Variants in PTPN21 observed in about 807,000 individuals in gnomAD.
PTPN21 encodes the protein tyrosine-protein phosphatase non-receptor type 21.
Under a neutral mutation model 131.8 loss-of-function variants are expected in PTPN21, and 77 were observed. The ratio of observed to expected loss-of-function variants is 0.58; its 90% CI spans 0.49 to 0.71. PTPN21 has a LOEUF of 0.71. PTPN21 is among the 30% of genes least tolerant of loss of function. PTPN21 has a pLI of 0.00. For synonymous variants in PTPN21, 715 were observed against 621.3 expected (o/e 1.15, Z -2.24); for missense variants, 1,552 against 1,527.1 (o/e 1.02, Z -0.27).
chr14:88,479,542 G>C lies in PTPN21; in HGVS notation c.1889C>G (p.Ala630Gly). The C allele has an allele frequency of 1.3e-6, 2 of 1,599,630 alleles. No homozygotes were observed. The highest frequency in any genetic ancestry group is 1.7e-6 in the Non-Finnish European group (2 of 1,179,122). ...VSEPLTAARH[A>G]QLHKRNSIEV... Reference sequence around the variant, plus strand: ...GATGCTGTTCCGTTTGTGCAGCTGCGCGTGGCGCGCGGCGGTGAGGGGCTC... The same window carrying C: ...GATGCTGTTCCGTTTGTGCAGCTGCCCGTGGCGCGCGGCGGTGAGGGGCTC... The change falls in exon 13 of 19, where the codon GCG becomes GGG. Residue 630 changes from alanine (A) to glycine (G), a missense_variant. Physicochemically the swap from Ala to Gly is moderately conservative, Grantham distance 60 (BLOSUM62 0). Transcript: ENST00000556564.
chr14:88,535,180 G>T lies in PTPN21; in HGVS notation c.180+15058C>A, dbSNP rs190792336. ...ACAGTATTCAGTATAGTAACATGTT[G>T]GACAGGTTTATTATAGCCTACCAGG... On this transcript the variant is annotated intron_variant, in intron 2 of 18. Transcript: ENST00000556564. Among the ~76,000 whole-genome samples, 777 of 152,104 alleles carry T rather than the reference G, an allele frequency of 5.1e-3. 4 individuals carry two copies. The highest frequency in any genetic ancestry group is 0.018 in the African/African-American group (755 of 41,480).
rs768328916 is a variant in PTPN21 at position 88,472,437 on chromosome 14, T to C, written c.2678A>G (p.Gln893Arg). The C allele has an allele frequency of 4.7e-5, 76 of 1,613,396 alleles. No homozygotes were observed. The Middle Eastern group carries it at 4.9e-4, about 10-fold the overall frequency. Reference sequence around the variant, plus strand: ...TTCATATTCTGTGAATACCATTCCTTGTTCTAATCGTTGTTCCAGAATTTT... The same window carrying C: ...TTCATATTCTGTGAATACCATTCCTCGTTCTAATCGTTGTTCCAGAATTTT... The part of the protein sequence containing the change: ...RCKILEQRLE[Q>R]GMVFTEYERI... Residue 893 changes from glutamine (Q) to arginine (R), a missense_variant, in exon 15 of 19, where the codon CAA becomes CGA. Coordinates refer to ENST00000556564, the MANE Select transcript of PTPN21 (RefSeq NM_007039.4).
chr14:88,497,145 G>T, intron 9 of PTPN21, 58 bp downstream of exon 9: 1 of 1,336,824 alleles, frequency 7.5e-7, no homozygotes. Context: ...GCACGCAGAA[G>T]TAGAACTTGT....
intron 6 of PTPN21, among the ~76,000 whole-genome samples, chr14:88,502,359 C>G (rs2078022778): frequency 6.6e-6 from 1 of 152,180 alleles, no homozygotes; most frequent in African/African-American, 2.4e-5. Context: ...TCCTTCAAGA[C>G]TCTGTCTATG....
At chr14:88,494,433 C>A (rs560293695) in intron 10 of PTPN21, among the ~76,000 whole-genome samples, 2 of 151,938 alleles carry the variant, frequency 1.3e-5, no homozygotes, top group East Asian at 3.9e-4. Context: ...TTTGAGAGGC[C>A]GGGGCAGGAG....
chr14:88,474,708 G>A (rs1443324653), intron 13 of PTPN21, among the ~76,000 whole-genome samples: 2 of 152,110 alleles, frequency 1.3e-5, no homozygotes, highest in Non-Finnish European at 2.9e-5. Context: ...GACACCAGGA[G>A]GATAGGACAG....
At chr14:88,540,194 A>T (rs1230121606) in intron 2 of PTPN21, among the ~76,000 whole-genome samples, 1 of 152,220 alleles carries the variant, frequency 6.6e-6, no homozygotes, top group East Asian at 1.9e-4. Context: ...ATGAAACAGA[A>T]AGTGGAAACG....
rs544866788 is a variant in PTPN21, at chr14:88,469,694, G to C, written c.3040C>G (p.Leu1014Val). ...GTGACAGTGTTGTGCCTGGAACCAA[G>C]TCGTGGCCAGTACCTAAAGCTCTTC... ...REKSFRYWPR[L>V]GSRHNTVTYG... Residue 1014 changes from leucine (L) to valine (V), a missense_variant, in exon 17 of 19, where the codon CTT becomes GTT. Leu to Val is a conservative substitution (Grantham distance 32). Coordinates refer to ENST00000556564, the MANE Select transcript of PTPN21 (RefSeq NM_007039.4). The surrounding 1 kb of genome is among the most constrained non-coding windows in gnomAD (Gnocchi z 4.3). The C allele has an allele frequency of 2.5e-6, 4 of 1,614,174 alleles. No individual in the cohort carries two copies. The African/African-American group carries it at 5.3e-5, about 22-fold the overall frequency.
chr14:88,514,491 T>A (rs1396123525), intron 3 of PTPN21, among the ~76,000 whole-genome samples: 3 of 148,286 alleles, frequency 2.0e-5, no homozygotes, highest in Non-Finnish European at 4.5e-5. Flanking sequence ...TGAGACAGAG[T>A]TTCACTCTTG....
chr14:88,553,511 GGTATAAAATAATATGCAATAATATGAAA>G lies in PTPN21; in HGVS notation c.-203+1112_-203+1139del, dbSNP rs574955949. Among the ~76,000 whole-genome samples the G allele has an allele frequency of 3.8e-3, 584 of 151,912 alleles. 7 individuals are homozygous for G. Among genetic ancestry groups the G allele is most frequent in the African/African-American group, 0.014 (566 of 41,414 alleles). On this transcript the variant is annotated intron_variant, in intron 1 of 18. Coordinates refer to ENST00000556564, the MANE Select transcript of PTPN21 (RefSeq NM_007039.4). The stretch of plus-strand genomic sequence containing the variant: ...GAGTTCTTTGGGGAGGTCTGTTTCA[GGTATAAAATAATATGCAATAATATGAAA>G]GTGATTGGGTCTGGAATTATAATTT...
At position 88,479,596 on chromosome 14, in the gene PTPN21, G is replaced by T. The variant is rs2077609221; in HGVS notation, c.1835C>A (p.Pro612His). The T allele has an allele frequency of 2.5e-6, 4 of 1,588,416 alleles. No individual in the cohort carries two copies. Among genetic ancestry groups the T allele is most frequent in the Non-Finnish European group, 3.4e-6 (4 of 1,173,276 alleles). ...GACCTCCTGCAGCGAGTGCGCCACG[G>T]GCAGGCTGTCCTCCTGGAACGTTTG... is the stretch of plus-strand genomic sequence containing the variant. Reference protein sequence around the residue: ...SVQTFQEDSLPVAHSLQEVSE... With the variant: ...SVQTFQEDSLHVAHSLQEVSE... Residue 612 changes from proline to histidine, a missense_variant, in exon 13 of 19, where the codon CCC becomes CAC. Physicochemically the swap from Pro to His is moderately conservative, Grantham distance 77. This residue lies in a region of PTPN21 where 1,016 missense variants were observed against 883.5 expected (regional missense o/e 1.15). Coordinates refer to ENST00000556564, the MANE Select transcript of PTPN21 (RefSeq NM_007039.4).
At chr14:88,485,932 C>T (rs947477627) in intron 10 of PTPN21, 90 bp from the exon 11 acceptor site, 2 of 779,440 alleles carry the variant, frequency 2.6e-6, no homozygotes, top group Non-Finnish European at 4.1e-6. Flanking sequence ...AATAATAAAT[C>T]TTCTCAGGCA....
chr14:88,508,535 A>C (rs949785484), intron 3 of PTPN21, among the ~76,000 whole-genome samples: 13 of 152,192 alleles, frequency 8.5e-5, no homozygotes, highest in African/African-American at 3.1e-4. Flanking sequence ...TACTTATCCC[A>C]GATTATAGTT....
At chr14:88,475,069 A>T (rs1269947526) in intron 13 of PTPN21, among the ~76,000 whole-genome samples, 1 of 151,898 alleles carries the variant, frequency 6.6e-6, no homozygotes, top group Non-Finnish European at 1.5e-5. Context: ...TCCAGCCTGG[A>T]GGCAGAGTGA....
In PTPN21 at chr14:88,469,834, T is replaced by G. The variant is rs933236153; in HGVS notation, c.3000+88A>C. 2 of 1,601,878 alleles carry G rather than the reference T, an allele frequency of 1.2e-6. No individual in the cohort carries two copies. The highest frequency in any genetic ancestry group is 1.7e-6 in the Non-Finnish European group (2 of 1,169,260). On this transcript the variant is annotated intron_variant, in intron 16 of 18. Transcript: ENST00000556564. This position sits in a 1 kb window ranked among gnomAD's most constrained non-coding sequence, Gnocchi z 4.3. The stretch of plus-strand genomic sequence containing the variant: ...AACAGAACCACAACCCTACCCTGCC[T>G]TTTTCTCCACAGGTCAGGATTCCAG...
rs1429376229 is a variant in PTPN21 at position 88,479,927 on chromosome 14, G to A, written c.1504C>T (p.Leu502Phe). 2.5e-6 allele frequency: 4 copies of A among 1,604,584 alleles called. No individual in the cohort carries two copies. Among genetic ancestry groups the A allele is most frequent in the East Asian group, 2.2e-5 (1 of 44,856 alleles). ...CAGTGTGCGGCCGCTGGCGAGGGGA[G>A]CTGTGCGTGCTCGCGGATCTCGGGC... ...SQPEIREHAQ[L>F]PSPAAAHCPF... Residue 502 changes from leucine to phenylalanine, a missense_variant, in exon 13 of 19, where the codon CTC (leucine) becomes TTC (phenylalanine). Coordinates refer to ENST00000556564, the MANE Select transcript of PTPN21 (RefSeq NM_007039.4).
intron 2 of PTPN21, among the ~76,000 whole-genome samples, chr14:88,542,430 C>T (rs192332173): frequency 4.5e-4 from 68 of 152,214 alleles, no homozygotes; most frequent in African/African-American, 1.5e-3. Context: ...ATGCTTAATT[C>T]CACATGGTCC....
intron 3 of PTPN21, among the ~76,000 whole-genome samples, chr14:88,514,339 T>C (rs901261509): frequency 1.3e-5 from 2 of 152,232 alleles, no homozygotes; most frequent in African/African-American, 2.4e-5. Flanking sequence ...ATTTTCTTAA[T>C]TTTTTAAGTT....
chr14:88,545,135 G>A (rs143765472), intron 2 of PTPN21, among the ~76,000 whole-genome samples: 5 of 152,126 alleles, frequency 3.3e-5, no homozygotes, highest in East Asian at 1.9e-4. Flanking sequence ...GCGCCTGGCC[G>A]ACTTATGAAA....
Sources: allele counts gnomAD v4.1 joint callset (sites outside exome capture counted in the v4.1 genomes callset), GRCh38; gene constraint gnomAD v4.1.1; regional missense constraint gnomAD v4.1.1; non-coding constraint Gnocchi (gnomAD v3.1); transcripts MANE v1.5; gene names NCBI Gene and HGNC (gene_info 2026-07-23, HGNC 2026-07-21).